TBCEL: variants seen among roughly 807,000 people sequenced by gnomAD.
TBCEL encodes the protein tubulin folding cofactor E like.
A neutral mutation model predicts 44.2 loss-of-function variants in TBCEL; 15 were observed. The ratio of observed to expected loss-of-function variants is 0.34; its 90% confidence interval spans 0.23 to 0.52. TBCEL has a LOEUF of 0.52. Ranked by LOEUF, TBCEL falls within the 20% of genes least tolerant of loss-of-function variation. The pLI, the probability that TBCEL is intolerant of heterozygous loss-of-function variation, is 0.95. For synonymous variants in TBCEL, 171 were observed against 185.4 expected (o/e 0.92, Z 0.63); for missense variants, 319 against 506.3 (o/e 0.63, Z 3.55).
chr11:121,088,833 A>G lies in TBCEL; in HGVS notation c.*1737A>G, dbSNP rs1441449272. 1.3e-5 allele frequency: 2 copies of G among 152,176 alleles called. No individual in the cohort carries two copies. The highest frequency in any genetic ancestry group is 2.9e-5 in the Non-Finnish European group (2 of 68,006). 9.4% of individuals were successfully genotyped at this position (152,176 alleles called of 1,614,324 possible). A position where few individuals can be genotyped will look rare whatever the true frequency, so the allele number is the denominator to read the frequency against. On this transcript the variant is annotated 3_prime_UTR_variant, in exon 9 of 9. Transcript: ENST00000683345. ...GGCCTACTGAGTCAAATCTACATTC[A>G]GTGTAACATTAAAGGTGGAAACCAA... is the stretch of plus-strand genomic sequence containing the variant.
At chr11:121,066,062 T>C (rs1945814525) in intron 8 of TBCEL, among the ~76,000 whole-genome samples, 1 of 152,222 alleles carries the variant, frequency 6.6e-6, no homozygotes, top group African/African-American at 2.4e-5. Context: ...GAATACTGTG[T>C]GGCTTACATA....
chr11:121,057,843 T>G (rs114158990), intron 6 of TBCEL, among the ~76,000 whole-genome samples: 2,565 of 151,936 alleles, frequency 0.017, 79 homozygotes, highest in African/African-American at 0.059. Context: ...CAGTCCCCCA[T>G]GGATACGAGG....
chr11:121,042,754 G>C (rs985046896), intron 2 of TBCEL, among the ~76,000 whole-genome samples: 1 of 152,124 alleles, frequency 6.6e-6, no homozygotes, highest in Non-Finnish European at 1.5e-5. Context: ...GGTCCTGGTA[G>C]TAATCTAGGA....
intron 1 of TBCEL, among the ~76,000 whole-genome samples, chr11:121,025,196 G>C (rs1051666050): frequency 4.6e-5 from 7 of 152,234 alleles, no homozygotes; most frequent in Admixed American, 3.3e-4. Context: ...TAGGGCTGTT[G>C]AGAGAAGTTG....
At chr11:121,074,149 G>GTTTTAA (rs1468502559) in intron 8 of TBCEL, among the ~76,000 whole-genome samples, 1 of 151,948 alleles carries the variant, frequency 6.6e-6, no homozygotes, top group Non-Finnish European at 1.5e-5. Flanking sequence ...GGGGGTAGGT[G>GTTTTAA]TTTTAATTTT....
At position 121,087,972 on chromosome 11, in the gene TBCEL, T is replaced by C. The variant is rs2135031090; in HGVS notation, c.*876T>C. 1 of 152,352 alleles carries C rather than the reference T, an allele frequency of 6.6e-6. No individual in the cohort carries two copies. Among genetic ancestry groups the C allele is most frequent in the South Asian group, 2.1e-4 (1 of 4,826 alleles). 9.4% of individuals were successfully genotyped at this position (152,352 alleles called of 1,614,324 possible). On this transcript the variant is annotated 3_prime_UTR_variant, in exon 9 of 9. Coordinates refer to ENST00000683345, the MANE Select transcript of TBCEL (RefSeq NM_001363644.2). ...TATTGAATGTATTTCCTCATATCTT[T>C]CTTTTTCATTACTTTAAACTATTGG...
chr11:121,068,943 C>T (rs1047779335), intron 8 of TBCEL, among the ~76,000 whole-genome samples: 1 of 151,758 alleles, frequency 6.6e-6, no homozygotes, highest in African/African-American at 2.4e-5. Flanking sequence ...TCCTGACACA[C>T]TTCAAGCACA....
chr11:121,031,872 G>T (rs1188845514), intron 1 of TBCEL, among the ~76,000 whole-genome samples: 1 of 151,706 alleles, frequency 6.6e-6, no homozygotes, highest in Non-Finnish European at 1.5e-5. Flanking sequence ...TGCCCAGGCT[G>T]GTCCTGAACT....
chr11:121,025,356 GTCC>G (rs1945027071), intron 1 of TBCEL, among the ~76,000 whole-genome samples: 1 of 151,826 alleles, frequency 6.6e-6, no homozygotes, highest in Non-Finnish European at 1.5e-5. Flanking sequence ...CACTCTTTGG[GTCC>G]TGAGATGCAT....
intron 4 of TBCEL, among the ~76,000 whole-genome samples, chr11:121,049,784 C>A (rs1945497116): frequency 1.3e-5 from 2 of 151,712 alleles, no homozygotes; most frequent in South Asian, 4.1e-4. Context: ...GTAGTTGCTA[C>A]CTCAGGAGGA....
At position 121,088,373 on chromosome 11, in the gene TBCEL, C is replaced by G. The variant is rs1284643091; in HGVS notation, c.*1277C>G. On this transcript the variant is annotated 3_prime_UTR_variant, in exon 9 of 9. Transcript: ENST00000683345. The stretch of plus-strand genomic sequence containing the variant: ...AATTGCCTCCAAGTCATATTTTTTG[C>G]AGAAGCACATTTAAAGCACTTTTCT... The G allele has an allele frequency of 2.0e-5, 3 of 152,142 alleles. No homozygotes were observed. The highest frequency in any genetic ancestry group is 2.1e-4 in the South Asian group (1 of 4,826). 9.4% of individuals were successfully genotyped at this position (152,142 alleles called of 1,614,324 possible).
Position 121,087,023 on chromosome 11 carries a change from A to G in TBCEL, c.1202A>G (p.Tyr401Cys). 6.2e-7 allele frequency: 1 copy of G among 1,614,148 alleles called. No individual in the cohort carries two copies. Among genetic ancestry groups the G allele is most frequent in the Non-Finnish European group, 8.5e-7 (1 of 1,179,996 alleles). The change falls in exon 9 of 9, where the codon TAC becomes TGC. Residue 401 changes from tyrosine (Y) to cysteine (C), a missense_variant. Tyr to Cys is a radical substitution (Grantham distance 194, BLOSUM62 -2). Coordinates refer to ENST00000683345, the MANE Select transcript of TBCEL (RefSeq NM_001363644.2). ...EAPFGPEEMK[Y>C]SSRALHSFGI... ...CCCTTTGGCCCAGAGGAAATGAAGT[A>G]CAGCTCTCGGGCATTGCATTCCTTT... is the stretch of plus-strand genomic sequence containing the variant.
chr11:121,044,914 T>G (rs1029328541), intron 2 of TBCEL, among the ~76,000 whole-genome samples: 1 of 152,100 alleles, frequency 6.6e-6, no homozygotes, highest in Admixed American at 6.5e-5. Flanking sequence ...TTAAGCAAAA[T>G]AGGTTACTTA....
intron 2 of TBCEL, among the ~76,000 whole-genome samples, chr11:121,039,307 A>T (rs1481123077): frequency 6.6e-6 from 1 of 152,208 alleles, no homozygotes; most frequent in East Asian, 1.9e-4. Context: ...ATGGCTCAGG[A>T]TTCACCTACT....
intron 4 of TBCEL, among the ~76,000 whole-genome samples, chr11:121,048,362 C>T (rs925802278): frequency 1.3e-5 from 2 of 151,902 alleles, no homozygotes; most frequent in Non-Finnish European, 2.9e-5. Flanking sequence ...CTATAAACTA[C>T]ACACATAGTT....
intron 1 of TBCEL, among the ~76,000 whole-genome samples, chr11:121,029,676 TA>T (rs1375414794): frequency 6.6e-6 from 1 of 152,188 alleles, no homozygotes. Context: ...GATTAATCAC[TA>T]ATCATTCTTA....
intron 1 of TBCEL, among the ~76,000 whole-genome samples, chr11:121,031,538 C>T (rs913893187): frequency 4.0e-5 from 6 of 151,670 alleles, no homozygotes; most frequent in African/African-American, 9.7e-5. Context: ...CTTCCTCCTT[C>T]TTACTGTTTT....
chr11:121,037,991 G>T lies in TBCEL; in HGVS notation c.-18+1379G>T, dbSNP rs1270322908. 2.0e-5 allele frequency among the ~76,000 whole-genome samples: 3 copies of T among 149,564 alleles called. No homozygotes were observed. The East Asian group carries it at 5.9e-4, about 29-fold the overall frequency. ...TTTTTTTTTTTTTAGACGGAGTCTT[G>T]CTCTGTCACCCAGGCTGGAGTGCAG... On this transcript the variant is annotated intron_variant, in intron 2 of 8. Coordinates refer to ENST00000683345, the MANE Select transcript of TBCEL (RefSeq NM_001363644.2).
intron 4 of TBCEL, 129 bp downstream of exon 4, chr11:121,047,796 A>G (rs1945456463): frequency 3.4e-6 from 4 of 1,174,736 alleles, no homozygotes; most frequent in Admixed American, 4.7e-5. Context: ...TTGTCTGTAT[A>G]TCTTATTGTC....
Sources: gnomAD v4.1 joint callset for allele counts (sites outside exome capture counted in the v4.1 genomes callset) on GRCh38, gnomAD v4.1.1 for gene constraint, MANE v1.5 for transcripts, NCBI Gene and HGNC (gene_info 2026-07-23, HGNC 2026-07-21) for gene names.